The following ZMIZ1 variants were observed in gnomAD, a reference collection of about 807,000 sequenced individuals.
The protein encoded by ZMIZ1 is zinc finger MIZ domain-containing protein 1.
ZMIZ1 carries 17 observed loss-of-function variants against 113.9 expected under a neutral mutation model. The observed-to-expected ratio is 0.15, with a 90% CI of 0.10 to 0.22. The LOEUF (loss-of-function observed/expected upper bound fraction) is 0.22. ZMIZ1 is among the 10% of genes least tolerant of loss of function. The pLI is 1.00. For synonymous variants in ZMIZ1, 607 were observed against 603.1 expected (o/e 1.01, Z -0.09); for missense variants, 1,059 against 1,477.8 (o/e 0.72, Z 4.65).
chr10:79,297,779 C>A, intron 14 of ZMIZ1, 89 bp downstream of exon 14: 1 of 1,183,250 alleles, frequency 8.5e-7, no homozygotes, highest in Non-Finnish European at 1.2e-6. Flanking sequence ...CCTCTCTGGA[C>A]ATTCAAAGGG....
intron 2 of ZMIZ1, among the ~76,000 whole-genome samples, chr10:79,129,199 T>C (rs1007036462): frequency 1.3e-5 from 2 of 152,208 alleles, no homozygotes; most frequent in African/African-American, 2.4e-5. Context: ...GGTACTGTTA[T>C]AAGCTCTGAG....
intron 1 of ZMIZ1, among the ~76,000 whole-genome samples, chr10:79,079,933 G>A (rs906196519): frequency 5.3e-5 from 8 of 152,230 alleles, no homozygotes; most frequent in African/African-American, 1.7e-4. Flanking sequence ...CTCTTCGGGG[G>A]CTGTGGGGAC....
intron 7 of ZMIZ1, among the ~76,000 whole-genome samples, chr10:79,269,672 C>T (rs1257245131): frequency 6.6e-6 from 1 of 152,142 alleles, no homozygotes; most frequent in African/African-American, 2.4e-5. Context: ...CCTCCCCCTG[C>T]ACCCCACTGC....
Position 79,305,575 on chromosome 10 carries a change from G to T in ZMIZ1, c.2397G>T (p.Met799Ile). The T allele has an allele frequency of 6.2e-7, 1 of 1,614,082 alleles. No homozygotes were observed. Among genetic ancestry groups the T allele is most frequent in the Non-Finnish European group, 8.5e-7 (1 of 1,180,002 alleles). ...AGGGCCTGGAGGTGGATCAGTACAT[G>T]TGGGGAATCCTGAATGCCATCCAAC... ...LLEGLEVDQY[M>I]WGILNAIQHS... The change falls in exon 21 of 25, where the codon ATG (methionine) becomes ATT (isoleucine). Residue 799 changes from methionine (M) to isoleucine (I), a missense_variant. Met to Ile is a conservative substitution (Grantham distance 10). Coordinates refer to ENST00000334512, the MANE Select transcript of ZMIZ1 (RefSeq NM_020338.4).
intron 2 of ZMIZ1, among the ~76,000 whole-genome samples, chr10:79,127,957 C>G (rs1474135179): frequency 1.3e-5 from 2 of 152,234 alleles, no homozygotes; most frequent in Admixed American, 1.3e-4. Flanking sequence ...CTGCCTGCCC[C>G]CTCAGCTACC....
intron 5 of ZMIZ1, among the ~76,000 whole-genome samples, chr10:79,202,772 G>A (rs1379741731): frequency 6.6e-6 from 1 of 152,248 alleles, no homozygotes; most frequent in Non-Finnish European, 1.5e-5. Flanking sequence ...CAGCTTCCCT[G>A]CACAGACCCA....
chr10:79,267,642 G>A (rs999442481), intron 7 of ZMIZ1, among the ~76,000 whole-genome samples: 2 of 152,190 alleles, frequency 1.3e-5, no homozygotes, highest in African/African-American at 4.8e-5. Flanking sequence ...TTGAACCCAG[G>A]CAGCCTGGCT....
At chr10:79,284,125 A>G (rs375547751) in intron 8 of ZMIZ1, among the ~76,000 whole-genome samples, 11 of 151,892 alleles carry the variant, frequency 7.2e-5, no homozygotes, top group African/African-American at 2.7e-4. Context: ...TAGCGGGTGC[A>G]CAGGAGCCAG....
At chr10:79,272,463 G>C (rs1435115410) in intron 7 of ZMIZ1, among the ~76,000 whole-genome samples, 2 of 152,226 alleles carry the variant, frequency 1.3e-5, no homozygotes, top group Admixed American at 1.3e-4. Flanking sequence ...CAGGGTTGTA[G>C]CTGCCAGCTG....
At chr10:79,287,642 C>T (rs1424792664) in intron 8 of ZMIZ1, among the ~76,000 whole-genome samples, 4 of 152,246 alleles carry the variant, frequency 2.6e-5, no homozygotes, top group African/African-American at 9.6e-5. Flanking sequence ...AGCTCAAGGA[C>T]TAATCTTCAT....
chr10:79,240,713 GTA>G (rs1478731347), intron 7 of ZMIZ1, among the ~76,000 whole-genome samples: 1 of 132,564 alleles, frequency 7.5e-6, no homozygotes. Context: ...CCGGAGGAGC[GTA>G]TATTAATTCT....
intron 7 of ZMIZ1, among the ~76,000 whole-genome samples, chr10:79,222,501 G>A (rs1849020820): frequency 1.3e-5 from 2 of 152,122 alleles, no homozygotes; most frequent in Non-Finnish European, 1.5e-5. Flanking sequence ...AGAGTGGATC[G>A]CTTACTTTTT....
At chr10:79,236,847 G>C (rs1022636496) in intron 7 of ZMIZ1, among the ~76,000 whole-genome samples, 1 of 152,258 alleles carries the variant, frequency 6.6e-6, no homozygotes, top group Non-Finnish European at 1.5e-5. Context: ...GCATATTTTA[G>C]ATACTGTCAA....
At chr10:79,289,282 G>A (rs896094036) in intron 8 of ZMIZ1, among the ~76,000 whole-genome samples, 3 of 152,174 alleles carry the variant, frequency 2.0e-5, no homozygotes, top group Non-Finnish European at 4.4e-5. Context: ...GGCCCAGGCA[G>A]CCAGGCTGCT....
At chr10:79,193,437 C>T (rs1210268200) in intron 4 of ZMIZ1, among the ~76,000 whole-genome samples, 1 of 152,140 alleles carries the variant, frequency 6.6e-6, no homozygotes, top group Non-Finnish European at 1.5e-5. Context: ...TCTCTGAGTC[C>T]TAGGATCTTC....
Position 79,296,396 on chromosome 10 carries a change from G to T in ZMIZ1, c.1231-75G>T, listed in dbSNP as rs116097886. 1,872 of 1,530,942 alleles carry T rather than the reference G, an allele frequency of 1.2e-3. 13 individuals are homozygous for T. In the African/African-American group the frequency reaches 0.023, roughly 19 times the overall value. 94.8% of individuals were successfully genotyped at this position (1,530,942 alleles called of 1,614,324 possible). ...AATGAGGAGAGGCGGGCCCCATCCC[G>T]TTGTTCAGGTGACCTGGCTATGTGA... On this transcript the variant is annotated intron_variant, in intron 12 of 24. Coordinates refer to ENST00000334512, the MANE Select transcript of ZMIZ1 (RefSeq NM_020338.4). This position sits in a 1 kb window ranked among gnomAD's most constrained non-coding sequence, Gnocchi z 4.1.
intron 12 of ZMIZ1, chr10:79,294,046 C>T (rs1270810353): frequency 3.5e-6 from 1 of 285,344 alleles, no homozygotes; most frequent in Admixed American, 4.2e-5. Flanking sequence ...AACTCCTCTC[C>T]AAGAAAGAGA....
Position 79,296,181 on chromosome 10 carries a change from C to T in ZMIZ1, c.1231-290C>T. The T allele has an allele frequency of 2.2e-6, 1 of 463,460 alleles. No individual in the cohort carries two copies. Among genetic ancestry groups the T allele is most frequent in the Non-Finnish European group, 3.9e-6 (1 of 258,198 alleles). The allele number at this position is 463,460 out of a possible 1,614,324, so 28.7% of individuals were successfully genotyped here. ...AGGTCGGGGGAGTTAGAATCAGGCC[C>T]CTCATAATGGTGTGAGCAAGAGGCT... On this transcript the variant is annotated intron_variant, in intron 12 of 24. Coordinates refer to ENST00000334512, the MANE Select transcript of ZMIZ1 (RefSeq NM_020338.4). The surrounding 1 kb of genome is among the most constrained non-coding windows in gnomAD (Gnocchi z 4.1).
rs1174980856 is a variant in ZMIZ1, at chr10:79,165,948, C to CTGTGTGTGTGTGTGTGTG, written c.-50+3852_-50+3869dup. ...CCTTGGCCTCCAAGCCCCAGCTCAGCTGTGTGTGTGTGTGTGTGTGTGTGT... is the reference window on the plus strand; with the variant it reads ...CCTTGGCCTCCAAGCCCCAGCTCAGCTGTGTGTGTGTGTGTGTGTGTGTGTGTGTGTGTGTGTGTGTGT... On this transcript the variant is annotated intron_variant, in intron 4 of 24. Coordinates refer to ENST00000334512, the MANE Select transcript of ZMIZ1 (RefSeq NM_020338.4). 4.0e-3 allele frequency among the ~76,000 whole-genome samples: 240 copies of CTGTGTGTGTGTGTGTGTG among 59,780 alleles called. 3 individuals are homozygous for CTGTGTGTGTGTGTGTGTG. Among genetic ancestry groups the CTGTGTGTGTGTGTGTGTG allele is most frequent in the Middle Eastern group, 0.025 (3 of 120 alleles). 39.2% of individuals were successfully genotyped at this position (59,780 alleles called of 152,430 possible).
Sources: allele counts gnomAD v4.1 joint callset (sites outside exome capture counted in the v4.1 genomes callset), GRCh38; gene constraint gnomAD v4.1.1; non-coding constraint Gnocchi (gnomAD v3.1); transcripts MANE v1.5; gene names NCBI Gene and HGNC (gene_info 2026-07-23, HGNC 2026-07-21).